The following BSN variants were observed in gnomAD, a reference collection of about 807,000 sequenced individuals.
The protein encoded by BSN is protein bassoon.
A neutral mutation model predicts 264.8 loss-of-function variants in BSN; 57 were observed. That is an observed-to-expected ratio of 0.22 (90% CI 0.17 to 0.27). The LOEUF (loss-of-function observed/expected upper bound fraction) is 0.27, where lower values mean the gene tolerates loss of function less well. Among genes scored for constraint, BSN ranks in the 10% least tolerant of loss-of-function variants. The probability of loss-of-function intolerance (pLI) is 1.00; values close to 1 mark genes in which losing one functional copy is unlikely to be tolerated. For missense variants in BSN, 4,615 were observed against 5,232.5 expected (o/e 0.88, Z 3.64); for synonymous variants, 2,059 against 2,137.3 (o/e 0.96, Z 1.01).
At chr3:49,619,419 A>C (rs2052286184) in intron 1 of BSN, among the ~76,000 whole-genome samples, 1 of 152,142 alleles carries the variant, frequency 6.6e-6, no homozygotes, top group Non-Finnish European at 1.5e-5. Context: ...TACCCCCTCT[A>C]CAGCTACCCT....
In BSN at chr3:49,653,993, T is replaced by C; in HGVS notation, c.4437T>C (p.Pro1479=). Residue 1479 remains proline, a synonymous_variant, in exon 5 of 12, where the codon CCT becomes CCC. Transcript: ENST00000296452. The surrounding 1 kb of genome is among the most constrained non-coding windows in gnomAD (Gnocchi z 6.3). ...CCTACTTTGCAAGCTCCAGCCCACCTCTCTCCCCGTCTTCCCCCTCAGAGA... is the reference window on the plus strand; with the variant it reads ...CCTACTTTGCAAGCTCCAGCCCACCCCTCTCCCCGTCTTCCCCCTCAGAGA... ...AYSYFASSSP[P]LSPSSPSESP... The C allele has an allele frequency of 1.9e-6, 3 of 1,613,646 alleles. No homozygotes were observed. In the South Asian group the frequency reaches 3.3e-5, roughly 18 times the overall value.
chr3:49,653,178 G>A lies in BSN; in HGVS notation c.3622G>A (p.Ala1208Thr). 3 of 1,611,510 alleles carry A rather than the reference G, an allele frequency of 1.9e-6. No homozygotes were observed. Among genetic ancestry groups the A allele is most frequent in the Middle Eastern group, 1.7e-4 (1 of 6,048 alleles). ...GAGGCAGCAAGGCCAGGCAGCAGGG[G>A]CCCGGGGACCCCATGGCGGCCCCTC... Reference protein sequence around the residue: ...LQRQQGQAAGARGPHGGPSQP... With the variant: ...LQRQQGQAAGTRGPHGGPSQP... The change falls in exon 5 of 12, where the codon GCC becomes ACC. Residue 1208 changes from alanine to threonine, a missense_variant. By Grantham distance (58) the Ala-to-Thr change is moderately conservative. Transcript: ENST00000296452. This position sits in a 1 kb window ranked among gnomAD's most constrained non-coding sequence, Gnocchi z 6.3.
At position 49,661,668 on chromosome 3, in the gene BSN, C is replaced by T. The variant is rs1393789674; in HGVS notation, c.9823C>T (p.Leu3275Phe). The T allele has an allele frequency of 3.7e-6, 6 of 1,613,706 alleles. No individual in the cohort carries two copies. In the South Asian group the frequency reaches 6.6e-5, roughly 18 times the overall value. The part of the protein sequence containing the change: ...PGKEPGEPGV[L>F]DGPTLPCCYA... Reference sequence around the variant, plus strand: ...GAAGGAGCCTGGAGAACCAGGTGTCCTTGACGGGCCCACACTGCCCTGCTG... The same window carrying T: ...GAAGGAGCCTGGAGAACCAGGTGTCTTTGACGGGCCCACACTGCCCTGCTG... The change falls in exon 6 of 12, where the codon CTT (leucine) becomes TTT (phenylalanine). Residue 3275 changes from leucine (L) to phenylalanine (F), a missense_variant. By Grantham distance (22) the Leu-to-Phe change is conservative. Around this residue, in one of 3 missense-constraint regions of BSN, gnomAD observed 3,415 missense variants for 3,866.4 expected, o/e 0.88. Transcript: ENST00000296452.
chr3:49,627,157 TC>T (rs543410691), intron 2 of BSN, among the ~76,000 whole-genome samples: 43 of 152,364 alleles, frequency 2.8e-4, no homozygotes, highest in African/African-American at 9.6e-4. Flanking sequence ...ATGAAATGTT[TC>T]TTTGCTGTGA....
At position 49,642,639 on chromosome 3, in the gene BSN, G is replaced by A. The variant is rs1449444828; in HGVS notation, c.1005G>A (p.Gly335=). 4 of 1,603,572 alleles carry A rather than the reference G, an allele frequency of 2.5e-6. No homozygotes were observed. Among genetic ancestry groups the A allele is most frequent in the Non-Finnish European group, 8.5e-7 (1 of 1,174,092 alleles). Residue 335 remains glycine (G), a synonymous_variant, in exon 3 of 12, where the codon GGG becomes GGA. Coordinates refer to ENST00000296452, the MANE Select transcript of BSN (RefSeq NM_003458.4). The surrounding 1 kb of genome is among the most constrained non-coding windows in gnomAD (Gnocchi z 7.0). ...PAKSATAVPA[G]LGATEQTQEG... ...AAAGTGCCACCGCAGTGCCCGCTGG[G>A]CTTGGTGCCACTGAGCAGACCCAGG...
At chr3:49,582,952 C>CATTT (rs36078084) in intron 1 of BSN, among the ~76,000 whole-genome samples, 41,067 of 143,590 alleles carry the variant, frequency 0.29, 6,640 homozygotes, top group Non-Finnish European at 0.35. Flanking sequence ...TGGTGTATTA[C>CATTT]ATTTATTTAT....
intron 1 of BSN, among the ~76,000 whole-genome samples, chr3:49,565,842 G>A (rs1396279149): frequency 1.3e-5 from 2 of 151,288 alleles, no homozygotes; most frequent in African/African-American, 2.4e-5. Flanking sequence ...TTTTTTTTGA[G>A]ACGGAGTCTC....
intron 1 of BSN, among the ~76,000 whole-genome samples, chr3:49,592,059 A>G (rs2051982269): frequency 6.6e-6 from 1 of 152,066 alleles, no homozygotes; most frequent in Non-Finnish European, 1.5e-5. Context: ...AATTTGAGAG[A>G]GACAGTTGAT....
intron 2 of BSN, among the ~76,000 whole-genome samples, chr3:49,628,707 AC>A (rs2052362059): frequency 6.6e-6 from 1 of 152,210 alleles, no homozygotes; most frequent in African/African-American, 2.4e-5. Context: ...GTCCCTGTTT[AC>A]AGATGAGGAG....
chr3:49,562,430 T>A (rs1349296734), intron 1 of BSN, among the ~76,000 whole-genome samples: 1 of 152,190 alleles, frequency 6.6e-6, no homozygotes, highest in African/African-American at 2.4e-5. Flanking sequence ...AGCCTCAACT[T>A]CTTCTTCCTT....
chr3:49,584,962 C>T (rs987275207), intron 1 of BSN, among the ~76,000 whole-genome samples: 2 of 152,172 alleles, frequency 1.3e-5, no homozygotes, highest in Admixed American at 6.5e-5. Context: ...TTGCAAATGA[C>T]TGTATCTCAT....
chr3:49,663,403 G>C lies in BSN; in HGVS notation c.11245G>C (p.Gly3749Arg). The C allele has an allele frequency of 6.2e-7, 1 of 1,612,898 alleles. No homozygotes were observed. The highest frequency in any genetic ancestry group is 2.2e-5 in the East Asian group (1 of 44,886). Residue 3749 changes from glycine to arginine, a missense_variant, in exon 7 of 12, where the codon GGT becomes CGT. By Grantham distance (125) the Gly-to-Arg change is moderately radical. Coordinates refer to ENST00000296452, the MANE Select transcript of BSN (RefSeq NM_003458.4). ...ACCCCAGGCGCAGCCGCAGCTGCAA[G>C]GTCGGCAGGCAGCTCCAGGACCACA... ...AEPQAQPQLQ[G>R]RQAAPGPQQS...
rs1575450905 is a variant in BSN, at chr3:49,657,736, A to G, written c.8180A>G (p.Gln2727Arg). 2 of 1,551,070 alleles carry G rather than the reference A, an allele frequency of 1.3e-6. No homozygotes were observed. The highest frequency in any genetic ancestry group is 1.7e-6 in the Non-Finnish European group (2 of 1,146,594). The change falls in exon 5 of 12, where the codon CAG becomes CGG. Residue 2727 changes from glutamine to arginine, a missense_variant. By Grantham distance (43) the Gln-to-Arg change is conservative. This residue lies in a region of BSN where 3,415 missense variants were observed against 3,866.4 expected (regional missense o/e 0.88). Coordinates refer to ENST00000296452, the MANE Select transcript of BSN (RefSeq NM_003458.4). ...CAGACGGAGCCAGATGGGCAGGCCC[A>G]GGGTGTAGCCGGGCCGCAGCTTGTA... ...ACQTEPDGQAQGVAGPQLVGP... is the reference protein window; with the variant it reads ...ACQTEPDGQARGVAGPQLVGP...
intron 1 of BSN, among the ~76,000 whole-genome samples, chr3:49,567,449 C>T (rs1040455317): frequency 6.6e-6 from 1 of 152,212 alleles, no homozygotes; most frequent in African/African-American, 2.4e-5. Context: ...TGCATGCTGG[C>T]TAGAATTCAC....
chr3:49,572,008 T>C (rs368071431), intron 1 of BSN, among the ~76,000 whole-genome samples: 1 of 152,322 alleles, frequency 6.6e-6, no homozygotes, highest in East Asian at 1.9e-4. Flanking sequence ...TAGCCCCTGC[T>C]GTGTATCAGA....
In BSN at chr3:49,671,346, A is replaced by G. The variant is rs2052757837; in HGVS notation, c.*3861A>G. ...CTTTCCTTCTCTCCTTCTTTATTTG[A>G]GGGGGGAAGAGTGCTGTACAAAGTC... On this transcript the variant is annotated 3_prime_UTR_variant, in exon 12 of 12. Transcript: ENST00000296452. The surrounding 1 kb of genome is among the most constrained non-coding windows in gnomAD (Gnocchi z 4.1). The G allele has an allele frequency of 6.6e-6, 1 of 151,796 alleles. No individual in the cohort carries two copies. The highest frequency in any genetic ancestry group is 6.6e-5 in the Admixed American group (1 of 15,210). 9.4% of individuals were successfully genotyped at this position (151,796 alleles called of 1,614,324 possible). A position where few individuals can be genotyped will look rare whatever the true frequency, so the allele number is the denominator to read the frequency against.
At chr3:49,555,468 A>G (rs1318009844) in intron 1 of BSN, among the ~76,000 whole-genome samples, 1 of 152,236 alleles carries the variant, frequency 6.6e-6, no homozygotes, top group Non-Finnish European at 1.5e-5. Flanking sequence ...GGGTGAAGCA[A>G]AAATGCTATT....
At chr3:49,615,463 T>C (rs893293302) in intron 1 of BSN, among the ~76,000 whole-genome samples, 3 of 151,998 alleles carry the variant, frequency 2.0e-5, no homozygotes, top group African/African-American at 7.2e-5. Context: ...ACCATCAGAG[T>C]GGGACTACAA....
chr3:49,565,251 T>A (rs1442831642), intron 1 of BSN, among the ~76,000 whole-genome samples: 1 of 147,260 alleles, frequency 6.8e-6, no homozygotes, highest in Admixed American at 6.8e-5. Flanking sequence ...GTTCATGCCA[T>A]TCTCCTGCCT....
Sources: gnomAD v4.1 joint callset for allele counts (sites outside exome capture counted in the v4.1 genomes callset) on GRCh38, gnomAD v4.1.1 for gene constraint, gnomAD v4.1.1 regional missense constraint, Gnocchi (gnomAD v3.1) non-coding constraint, MANE v1.5 for transcripts, NCBI Gene and HGNC (gene_info 2026-07-23, HGNC 2026-07-21) for gene names.